The following RTN4 variants were observed in gnomAD, a reference collection of about 807,000 sequenced individuals.
The protein encoded by RTN4 is reticulon-4.
In RTN4, 32 loss-of-function variants were observed where a neutral mutation model predicts 90.4. The observed-to-expected ratio is 0.35, with a 90% CI of 0.27 to 0.48. RTN4 has a LOEUF of 0.48. RTN4 is among the 20% of genes least tolerant of loss of function. The pLI, the probability that RTN4 is intolerant of heterozygous loss-of-function variation, is 0.99. For missense variants in RTN4, 1,706 were observed against 1,430.2 expected, an observed-to-expected ratio of 1.19 and a Z score of -3.11; for synonymous variants, 629 against 552.5, an observed-to-expected ratio of 1.14 and a Z score of -1.94.
At chr2:55,102,742 C>T (rs1397756003) in intron 1 of RTN4, among the ~76,000 whole-genome samples, 2 of 152,034 alleles carry the variant, frequency 1.3e-5, no homozygotes, top group Non-Finnish European at 1.5e-5. Context: ...AAACAAAACT[C>T]TATAGATTTT....
At chr2:55,083,370 C>T (rs1668758232) in intron 1 of RTN4, among the ~76,000 whole-genome samples, 1 of 152,146 alleles carries the variant, frequency 6.6e-6, no homozygotes, top group Non-Finnish European at 1.5e-5. Context: ...GTGGTATGCA[C>T]CTGTGGTCCC....
chr2:55,040,768 C>T (rs1297612508), intron 1 of RTN4, among the ~76,000 whole-genome samples: 5 of 151,564 alleles, frequency 3.3e-5, no homozygotes, highest in Non-Finnish European at 7.4e-5. Context: ...CTTTCTTGTC[C>T]TCTTACTCAG....
At chr2:55,052,085 A>C (rs1668103112), upstream of RTN4, among the ~76,000 whole-genome samples, 1 of 152,236 alleles carries the variant, frequency 6.6e-6, no homozygotes, top group Non-Finnish European at 1.5e-5. Flanking sequence ...GGTGGAACAC[A>C]GAAGATTTTG....
exon 2 of RTN4, chr2:55,080,531 C>T (rs1163113429): frequency 2.6e-5 from 4 of 152,156 alleles, no homozygotes; most frequent in African/African-American, 9.7e-5. Flanking sequence ...TATTTCTCTC[C>T]ATATCCTGTG....
At chr2:55,105,823 T>C (rs1667933737) in intron 1 of RTN4, among the ~76,000 whole-genome samples, 1 of 151,822 alleles carries the variant, frequency 6.6e-6, no homozygotes, top group South Asian at 2.1e-4. Context: ...CCACAAAAAA[T>C]TTAAAAGTTA....
chr2:55,018,716 T>C (rs1385075085), intron 3 of RTN4, among the ~76,000 whole-genome samples: 1 of 152,138 alleles, frequency 6.6e-6, no homozygotes, highest in African/African-American at 2.4e-5. Flanking sequence ...ATTAGAGGTA[T>C]CTATGTGAAC....
intron 2 of RTN4, among the ~76,000 whole-genome samples, chr2:55,071,197 G>C (rs1163188168): frequency 6.6e-6 from 1 of 151,188 alleles, no homozygotes; most frequent in Non-Finnish European, 1.5e-5. Context: ...CCACCAGGGG[G>C]TCTCTTGCTT....
At chr2:55,004,992 AG>A (rs1439606659) in intron 3 of RTN4, among the ~76,000 whole-genome samples, 1 of 152,140 alleles carries the variant, frequency 6.6e-6, no homozygotes, top group African/African-American at 2.4e-5. Context: ...TGAAATGGGA[AG>A]AAAGGGCCTT....
At chr2:55,018,357 T>C (rs764714193) in intron 3 of RTN4, among the ~76,000 whole-genome samples, 14 of 152,156 alleles carry the variant, frequency 9.2e-5, no homozygotes, top group Non-Finnish European at 1.9e-4. Flanking sequence ...ATGAAGCTAA[T>C]TGTATTTCAA....
At chr2:54,998,792 T>C (rs1470811438) in intron 3 of RTN4, among the ~76,000 whole-genome samples, 3 of 152,184 alleles carry the variant, frequency 2.0e-5, no homozygotes, top group African/African-American at 7.2e-5. Flanking sequence ...ATCACCAAAA[T>C]GCTAATTTTG....
intron 1 of RTN4, among the ~76,000 whole-genome samples, chr2:55,103,972 G>T (rs953695586): frequency 1.3e-5 from 2 of 151,884 alleles, no homozygotes; most frequent in Non-Finnish European, 2.9e-5. Flanking sequence ...TGCAATTACA[G>T]GAATGAGCCA....
chr2:54,982,904 A>T (rs1457708903), intron 4 of RTN4, among the ~76,000 whole-genome samples: 9 of 152,180 alleles, frequency 5.9e-5, no homozygotes, highest in Non-Finnish European at 1.5e-5. Flanking sequence ...ATGCTCTGCC[A>T]CTTACCTGGC....
intron 3 of RTN4, among the ~76,000 whole-genome samples, chr2:55,022,979 T>A (rs1681561967): frequency 6.7e-6 from 1 of 149,684 alleles, no homozygotes; most frequent in Admixed American, 6.7e-5. Flanking sequence ...TTGACCACAA[T>A]CTCCTATCAT....
chr2:55,093,398 T>C (rs1443564397), intron 1 of RTN4, among the ~76,000 whole-genome samples: 2 of 72,266 alleles, frequency 2.8e-5, no homozygotes, highest in Non-Finnish European at 6.6e-5. Context: ...ATATATTTAA[T>C]TTATTTTATA....
Position 55,084,067 on chromosome 2 carries a change from T to C in RTN4, c.-213-3428A>G, listed in dbSNP as rs1482549681. Reference sequence around the variant, plus strand: ...ATTAAAAGTTTGGAACTTTCAGCCCTACTCTGCAACCTCCAGGAAGGAAAG... The same window carrying C: ...ATTAAAAGTTTGGAACTTTCAGCCCCACTCTGCAACCTCCAGGAAGGAAAG... On this transcript the variant is annotated intron_variant, in intron 1 of 3. Coordinates refer to the RTN4 transcript ENST00000427710. 2.0e-5 allele frequency among the ~76,000 whole-genome samples: 3 copies of C among 152,194 alleles called. No individual in the cohort carries two copies. In the East Asian group the frequency reaches 5.8e-4, roughly 29 times the overall value.
At chr2:55,010,153 A>T in intron 3 of RTN4, 1 of 1,612,862 alleles carries the variant, frequency 6.2e-7, no homozygotes, top group Non-Finnish European at 8.5e-7. Context: ...AGCTCCAATT[A>T]TTAATTATGC....
chr2:55,046,630 C>T (rs999922204), intron 1 of RTN4, among the ~76,000 whole-genome samples: 3 of 152,206 alleles, frequency 2.0e-5, no homozygotes, highest in African/African-American at 7.2e-5. Flanking sequence ...TATCTGTACT[C>T]TCCCAAGGGG....
rs1668980626 is a variant in RTN4, at chr2:55,093,661, A to C, written c.-213-13022T>G. ...TCCCTCCACGAGGCCAGGGGGGATT[A>C]GGAAAGAGTCAGAGATGAAGGAGAA... On this transcript the variant is annotated intron_variant, in intron 1 of 3. Coordinates refer to the RTN4 transcript ENST00000427710. 2.0e-5 allele frequency among the ~76,000 whole-genome samples: 3 copies of C among 152,298 alleles called. No homozygotes were observed. The South Asian group carries it at 6.2e-4, about 32-fold the overall frequency.
In RTN4 at chr2:55,026,263, A is replaced by C. The variant is rs575023767; in HGVS notation, c.1836T>G (p.Pro612=). The stretch of plus-strand genomic sequence containing the variant: ...TCAATGGTGCTTCCATAACAATGTC[A>C]GGCAAAACTGGTGAAGGAGTAGCTT... ...ESEATPSPVL[P]DIVMEAPLNS... is the part of the protein sequence containing the mutation. The change falls in exon 3 of 9, where the codon CCT becomes CCG. Residue 612 remains proline, a synonymous_variant. Transcript: ENST00000337526. 2.5e-6 allele frequency: 4 copies of C among 1,613,930 alleles called. No individual in the cohort carries two copies. The highest frequency in any genetic ancestry group is 2.5e-6 in the Non-Finnish European group (3 of 1,179,906).
Sources: allele counts gnomAD v4.1 joint callset (sites outside exome capture counted in the v4.1 genomes callset), GRCh38; gene constraint gnomAD v4.1.1; transcripts MANE v1.5; gene names NCBI Gene and HGNC (gene_info 2026-07-23, HGNC 2026-07-21).